Variants in IRAG2 observed in about 807,000 individuals in gnomAD.
IRAG2 encodes lymphoid restricted membrane protein.
IRAG2 carries 45 observed loss-of-function variants against 69.9 expected under a neutral mutation model. That is an observed-to-expected ratio of 0.64 (90% CI 0.51 to 0.83). The LOEUF is 0.83. Among genes scored for constraint, IRAG2 ranks in the 40% least tolerant of loss-of-function variants. IRAG2 has a pLI of 0.00. For missense variants in IRAG2, 520 were observed against 587.0 expected (o/e 0.89, Z 1.18); for synonymous variants, 193 against 202.4 (o/e 0.95, Z 0.40).
intron 2 of IRAG2, among the ~76,000 whole-genome samples, chr12:25,007,949 TA>T (rs1180606478): frequency 2.6e-5 from 4 of 152,206 alleles, no homozygotes; most frequent in Admixed American, 6.5e-5. Flanking sequence ...GTTTTTATTT[TA>T]TTTTTTTTTA....
intron 16 of IRAG2, among the ~76,000 whole-genome samples, chr12:25,038,770 T>C (rs1732129673): frequency 6.6e-6 from 1 of 152,220 alleles, no homozygotes. Context: ...CCTCATAATT[T>C]TTCAGAGGAC....
At chr12:25,002,746 A>G (rs1944401565), upstream of IRAG2, among the ~76,000 whole-genome samples, 1 of 151,390 alleles carries the variant, frequency 6.6e-6, no homozygotes, top group Non-Finnish European at 1.5e-5. Flanking sequence ...TGTTGAAGCG[A>G]TTCTCCTGCC....
chr12:25,099,119 C>G (rs1948598367), intron 15 of IRAG2, among the ~76,000 whole-genome samples: 1 of 152,166 alleles, frequency 6.6e-6, no homozygotes, highest in African/African-American at 2.4e-5. Flanking sequence ...CCTGTGATCC[C>G]TTGCAGTCAC....
chr12:25,039,982 A>C (rs1422813614), intron 16 of IRAG2, among the ~76,000 whole-genome samples: 2 of 152,142 alleles, frequency 1.3e-5, no homozygotes, highest in African/African-American at 4.8e-5. Flanking sequence ...TGGGATTCAG[A>C]CCTAGTTCTG....
Position 25,079,632 on chromosome 12 carries a change from A to C in IRAG2, c.137-24A>C, listed in dbSNP as rs987306317. On this transcript the variant is annotated intron_variant, in intron 8 of 21. Transcript: ENST00000556887. ...ATAATATTATGTGCATAGTATTCGCACCATTTGTTTCTCCTGTTGACAGAT... is the reference window on the plus strand; with the variant it reads ...ATAATATTATGTGCATAGTATTCGCCCCATTTGTTTCTCCTGTTGACAGAT... 4.8e-6 allele frequency: 7 copies of C among 1,444,748 alleles called. No homozygotes were observed. The African/African-American group carries it at 9.8e-5, about 20-fold the overall frequency. 89.5% of individuals were successfully genotyped at this position (1,444,748 alleles called of 1,614,324 possible). A position where few individuals can be genotyped will look rare whatever the true frequency, so the allele number is the denominator to read the frequency against.
At chr12:25,005,019 T>G (rs116486083) in intron 1 of IRAG2, 2 of 746,286 alleles carry the variant, frequency 2.7e-6, no homozygotes, top group South Asian at 7.2e-5. Flanking sequence ...AAAGTTTGGA[T>G]GGAATCATCC....
chr12:25,032,510 C>A, intron 12 of IRAG2: 1 of 396,826 alleles, frequency 2.5e-6, no homozygotes. Flanking sequence ...TCCATGAGAA[C>A]TTCTTTGTGA....
intron 10 of IRAG2, 130 bp from the exon 11 acceptor site, chr12:25,087,970 A>G (rs569301336): frequency 1.4e-5 from 9 of 643,558 alleles, no homozygotes; most frequent in South Asian, 4.0e-5. Flanking sequence ...CCCTGGTACC[A>G]AAAAGGTTGG....
intron 7 of IRAG2, among the ~76,000 whole-genome samples, chr12:25,022,797 AG>A (rs1360239450): frequency 6.6e-6 from 1 of 152,204 alleles, no homozygotes; most frequent in Non-Finnish European, 1.5e-5. Flanking sequence ...ACATGGTAAA[AG>A]CACATGATGT....
At chr12:25,103,046 GT>G (rs1190473191) in intron 17 of IRAG2, 25 of 152,300 alleles carry the variant, frequency 1.6e-4, no homozygotes, top group African/African-American at 4.8e-4. Context: ...TTGGGCCGCA[GT>G]TTCATATTCT....
intron 16 of IRAG2, among the ~76,000 whole-genome samples, chr12:25,043,063 C>T (rs1944763622): frequency 6.6e-6 from 1 of 151,412 alleles, no homozygotes; most frequent in South Asian, 2.1e-4. Flanking sequence ...AGCTCTGGAC[C>T]CTCCTTCTCT....
chr12:25,019,678 G>A (rs1198589781), intron 6 of IRAG2, among the ~76,000 whole-genome samples: 1 of 152,146 alleles, frequency 6.6e-6, no homozygotes, highest in African/African-American at 2.4e-5. Flanking sequence ...CATTCAGGTG[G>A]GAAATCAGGG....
At chr12:25,095,879 C>T (rs1228696581) in intron 14 of IRAG2, among the ~76,000 whole-genome samples, 1 of 152,188 alleles carries the variant, frequency 6.6e-6, no homozygotes, top group Admixed American at 6.5e-5. Flanking sequence ...CTCTGTTTTG[C>T]TAACAATTAA....
chr12:25,017,105 G>T, intron 5 of IRAG2: 5 of 1,226,908 alleles, frequency 4.1e-6, no homozygotes, highest in Non-Finnish European at 4.1e-6. Context: ...TGATGTGAAG[G>T]TTATTCTCAT....
intron 12 of IRAG2, chr12:25,032,421 A>G (rs1944674933): frequency 5.0e-6 from 2 of 398,894 alleles, no homozygotes; most frequent in South Asian, 1.3e-4. Flanking sequence ...TCTACCCTAC[A>G]TTATTGGCCC....
intron 15 of IRAG2, among the ~76,000 whole-genome samples, chr12:25,099,101 G>A (rs544091209): frequency 2.0e-5 from 3 of 152,132 alleles, no homozygotes; most frequent in East Asian, 1.9e-4. Context: ...CCATGTGCAC[G>A]CAATCCCCCT....
At chr12:25,005,056 T>A in intron 1 of IRAG2, 1 of 620,728 alleles carries the variant, frequency 1.6e-6, no homozygotes, top group Non-Finnish European at 2.3e-6. Context: ...TTTAACTATG[T>A]TTGTTTCCAG....
upstream of IRAG2, chr12:25,052,099 T>C (rs1176460514): frequency 2.6e-6 from 1 of 391,936 alleles, no homozygotes; most frequent in Non-Finnish European, 4.5e-6. Context: ...GTAAATACTT[T>C]CACTTTTTCC....
In IRAG2 at chr12:25,108,283, A is replaced by ATT. The variant is rs1949363342; in HGVS notation, c.*224_*225dup. The ATT allele has an allele frequency of 3.5e-6, 2 of 565,460 alleles. No individual in the cohort carries two copies. The highest frequency in any genetic ancestry group is 5.8e-5 in the East Asian group (2 of 34,596). 35.0% of individuals were successfully genotyped at this position (565,460 alleles called of 1,614,324 possible). On this transcript the variant is annotated 3_prime_UTR_variant, in exon 22 of 22. Coordinates refer to ENST00000556887, the MANE Select transcript of IRAG2 (RefSeq NM_001366544.2). ...TGAATGAGCTTTTTAAGGAAGAAAT[A>ATT]TTATATATTGTTTGTTAAAGTTTAT...
Sources: gnomAD v4.1 joint callset for allele counts (sites outside exome capture counted in the v4.1 genomes callset) on GRCh38, gnomAD v4.1.1 for gene constraint, MANE v1.5 for transcripts, NCBI Gene and HGNC (gene_info 2026-07-23, HGNC 2026-07-21) for gene names.